Variants in KCNJ6 observed in about 807,000 individuals in gnomAD.
The protein encoded by KCNJ6 is G protein-activated inward rectifier potassium channel 2.
In KCNJ6, 9 loss-of-function variants were observed where a neutral mutation model predicts 34.2. The observed-to-expected ratio is 0.26, with a 90% CI of 0.16 to 0.46. The LOEUF is 0.46. Ranked by LOEUF, KCNJ6 falls within the 20% of genes least tolerant of loss-of-function variation. The probability of loss-of-function intolerance (pLI) is 1.00; values close to 1 mark genes in which losing one functional copy is unlikely to be tolerated. For synonymous variants in KCNJ6, 196 were observed against 207.1 expected (o/e 0.95, Z 0.46); for missense variants, 236 against 531.3 (o/e 0.44, Z 5.46).
intron 3 of KCNJ6, among the ~76,000 whole-genome samples, chr21:37,705,636 T>TG (rs768952002): frequency 3.9e-5 from 6 of 152,076 alleles, no homozygotes; most frequent in Non-Finnish European, 8.8e-5. Flanking sequence ...TTTTTCAGAA[T>TG]GGGGAAAAAA....
At chr21:37,773,397 A>G (rs971445563) in intron 2 of KCNJ6, among the ~76,000 whole-genome samples, 4 of 152,168 alleles carry the variant, frequency 2.6e-5, no homozygotes, top group Non-Finnish European at 5.9e-5. Context: ...TCTCACCAGT[A>G]CCAAGATAGT....
At chr21:37,703,755 C>T (rs367874887) in intron 3 of KCNJ6, among the ~76,000 whole-genome samples, 2 of 152,272 alleles carry the variant, frequency 1.3e-5, no homozygotes, top group African/African-American at 2.4e-5. Flanking sequence ...ATGTGTCAGA[C>T]TGCACTCAAG....
At chr21:37,887,127 C>A (rs956936024) in intron 1 of KCNJ6, among the ~76,000 whole-genome samples, 1 of 152,074 alleles carries the variant, frequency 6.6e-6, no homozygotes, top group African/African-American at 2.4e-5. Context: ...GAGTTTCCTG[C>A]ATCCTGTTAT....
intron 2 of KCNJ6, among the ~76,000 whole-genome samples, chr21:37,791,373 C>A (rs1443972984): frequency 6.6e-6 from 1 of 152,214 alleles, no homozygotes; most frequent in African/African-American, 2.4e-5. Flanking sequence ...ATCTGACTAT[C>A]CCCCGTCACA....
At chr21:37,645,329 C>T (rs148618549) in intron 3 of KCNJ6, among the ~76,000 whole-genome samples, 168 of 152,236 alleles carry the variant, frequency 1.1e-3, no homozygotes, top group African/African-American at 3.8e-3. Flanking sequence ...TGCACTACTG[C>T]ACTCCAGCCT....
intron 3 of KCNJ6, among the ~76,000 whole-genome samples, chr21:37,705,973 A>G (rs2054717493): frequency 6.6e-6 from 1 of 152,160 alleles, no homozygotes; most frequent in Admixed American, 6.5e-5. Context: ...GTCATCCTGT[A>G]TATCACATGG....
intron 1 of KCNJ6, among the ~76,000 whole-genome samples, chr21:37,907,775 T>C (rs1487539741): frequency 6.6e-6 from 1 of 152,200 alleles, no homozygotes; most frequent in African/African-American, 2.4e-5. Context: ...CTCCCCCACA[T>C]ATTCTCCAGG....
chr21:37,802,853 G>C (rs139284725), intron 2 of KCNJ6, among the ~76,000 whole-genome samples: 15 of 152,150 alleles, frequency 9.9e-5, no homozygotes, highest in Admixed American at 4.6e-4. Context: ...GTGGGGAGCA[G>C]AAAGGTCAGC....
intron 2 of KCNJ6, among the ~76,000 whole-genome samples, chr21:37,838,329 G>T (rs1297655462): frequency 6.6e-6 from 1 of 152,186 alleles, no homozygotes; most frequent in Non-Finnish European, 1.5e-5. Flanking sequence ...AGCTTTATCA[G>T]AAATATTAAT....
chr21:37,749,998 A>T (rs2054987112), intron 2 of KCNJ6, among the ~76,000 whole-genome samples: 1 of 152,240 alleles, frequency 6.6e-6, no homozygotes, highest in African/African-American at 2.4e-5. Context: ...CACAGACCTG[A>T]ACCTTTATCT....
At position 37,730,898 on chromosome 21, in the gene KCNJ6, G is replaced by A. The variant is rs551837285; in HGVS notation, c.26-15767C>T. Among the ~76,000 whole-genome samples, 10 of 152,360 alleles carry A rather than the reference G, an allele frequency of 6.6e-5. No individual in the cohort carries two copies. In the South Asian group the frequency reaches 1.0e-3, roughly 16 times the overall value. On this transcript the variant is annotated intron_variant, in intron 2 of 3. Transcript: ENST00000609713. ...TTACTGAATATCTATTATGTGCCAA[G>A]TACTGGGCAGGGCACAACAGCCCAC...
At chr21:37,874,589 A>G (rs563805523) in intron 1 of KCNJ6, among the ~76,000 whole-genome samples, 1 of 152,208 alleles carries the variant, frequency 6.6e-6, no homozygotes, top group East Asian at 1.9e-4. Flanking sequence ...TGATGAACCC[A>G]CTCTGTAGGG....
At chr21:37,709,074 G>T (rs143387097) in intron 3 of KCNJ6, among the ~76,000 whole-genome samples, 5 of 152,284 alleles carry the variant, frequency 3.3e-5, no homozygotes, top group African/African-American at 9.6e-5. Context: ...CTGATACATG[G>T]TTGTTTAAAA....
rs114204206 is a variant in KCNJ6, at chr21:37,783,083, G to T, written c.25+57575C>A. On this transcript the variant is annotated intron_variant, in intron 2 of 3. Transcript: ENST00000609713. ...AATCCTTAGTTTTACAGAGGAGGAG[G>T]CTGAGTTCTCAAGAGGTTAGGATCA... Among the ~76,000 whole-genome samples, 904 of 152,236 alleles carry T rather than the reference G, an allele frequency of 5.9e-3. 5 individuals are homozygous for T. The highest frequency in any genetic ancestry group is 0.021 in the African/African-American group (852 of 41,524).
At chr21:37,819,451 T>C (rs1376231713) in intron 2 of KCNJ6, among the ~76,000 whole-genome samples, 1 of 152,166 alleles carries the variant, frequency 6.6e-6, no homozygotes, top group Non-Finnish European at 1.5e-5. Flanking sequence ...TGAGAATGCT[T>C]GGAGATTGAA....
intron 3 of KCNJ6, among the ~76,000 whole-genome samples, chr21:37,682,169 G>C (rs1041868803): frequency 6.6e-6 from 1 of 152,194 alleles, no homozygotes; most frequent in Non-Finnish European, 1.5e-5. Flanking sequence ...TGGAGGCTTA[G>C]AACAATAAAA....
intron 2 of KCNJ6, among the ~76,000 whole-genome samples, chr21:37,738,616 G>C (rs1006821184): frequency 3.9e-5 from 6 of 152,238 alleles, no homozygotes; most frequent in African/African-American, 7.2e-5. Context: ...GCAAACTTTT[G>C]GCTCATATCA....
intron 2 of KCNJ6, among the ~76,000 whole-genome samples, chr21:37,795,961 G>A (rs556366361): frequency 6.6e-6 from 1 of 152,200 alleles, no homozygotes; most frequent in South Asian, 2.1e-4. Context: ...ATTTCTCCCA[G>A]TTTTGATGTA....
chr21:37,632,937 C>T (rs1460663244), intron 3 of KCNJ6, among the ~76,000 whole-genome samples: 1 of 151,982 alleles, frequency 6.6e-6, no homozygotes, highest in Non-Finnish European at 1.5e-5. Context: ...GATAATTTTA[C>T]ATAAACTCTC....
Sources: allele counts gnomAD v4.1 joint callset (sites outside exome capture counted in the v4.1 genomes callset), GRCh38; gene constraint gnomAD v4.1.1; transcripts MANE v1.5; gene names NCBI Gene and HGNC (gene_info 2026-07-23, HGNC 2026-07-21).